BAHCC1: variants seen among roughly 807,000 people sequenced by gnomAD.
BAHCC1 encodes BAH domain and coiled-coil containing 1.
In BAHCC1, 43 loss-of-function variants were observed where a neutral mutation model predicts 88.2. The observed-to-expected ratio is 0.49, with a 90% confidence interval of 0.38 to 0.63. BAHCC1 has a LOEUF of 0.63. Ranked by LOEUF, BAHCC1 falls within the 20% of genes least tolerant of loss-of-function variation. The pLI, the probability that BAHCC1 is intolerant of heterozygous loss-of-function variation, is 0.00. For missense variants in BAHCC1, 3,023 were observed against 1,654.8 expected, an observed-to-expected ratio of 1.83 and a Z score of -14.34; for synonymous variants, 1,510 against 745.5, an observed-to-expected ratio of 2.03 and a Z score of -16.71.
intron 2 of BAHCC1, among the ~76,000 whole-genome samples, chr17:81,424,702 G>C (rs376504572): frequency 2.5e-4 from 38 of 151,818 alleles, no homozygotes; most frequent in African/African-American, 8.5e-4. Flanking sequence ...GATGTGGTTG[G>C]TGATGATAAT....
chr17:81,422,721 C>T (rs2143368169), intron 2 of BAHCC1: 1 of 414,858 alleles, frequency 2.4e-6, no homozygotes, highest in East Asian at 8.6e-5. Flanking sequence ...GCTCAAGGTA[C>T]AGGGTTCTCA....
chr17:81,408,088 C>T (rs1320808211), intron 2 of BAHCC1, among the ~76,000 whole-genome samples: 2 of 152,244 alleles, frequency 1.3e-5, no homozygotes, highest in Non-Finnish European at 2.9e-5. Flanking sequence ...GGCCCCCTTC[C>T]TCCTGCTGCC....
In BAHCC1 at chr17:81,399,672, C is replaced by T. The variant is rs567909819; in HGVS notation, c.-68C>T. ...CGCCGCCTCTGCGCCGCCCGCGCGC[C>T]GAGCCGCCCCCGGGCCCCGGCCGCG... On this transcript the variant is annotated 5_prime_UTR_variant, in exon 2 of 28. Coordinates refer to ENST00000675386, the MANE Select transcript of BAHCC1 (RefSeq NM_001377448.1). The surrounding 1 kb of genome is among the most constrained non-coding windows in gnomAD (Gnocchi z 4.5). The T allele has an allele frequency of 2.0e-3, 1,888 of 960,676 alleles. 1 individual carries two copies. The highest frequency in any genetic ancestry group is 2.2e-3 in the Non-Finnish European group (1,791 of 807,314). The allele number at this position is 960,676 out of a possible 1,614,324, so 59.5% of individuals were successfully genotyped here.
chr17:81,443,777 C>A (rs1483334503), intron 5 of BAHCC1, 32 bp from the exon 6 acceptor site: 3 of 705,414 alleles, frequency 4.3e-6, no homozygotes, highest in Non-Finnish European at 5.2e-6. Flanking sequence ...CCGCCCCAAC[C>A]CTCTCCCGTC....
intron 2 of BAHCC1, among the ~76,000 whole-genome samples, chr17:81,410,536 GTTGGATGTGAC>G (rs1369344472): frequency 6.6e-6 from 1 of 152,230 alleles, no homozygotes; most frequent in Non-Finnish European, 1.5e-5. Context: ...GTCCTGGGGC[GTTGGATGTGAC>G]TGGGATGGGC....
chr17:81,413,148 C>G (rs2063976331), intron 2 of BAHCC1: 1 of 444,136 alleles, frequency 2.3e-6, no homozygotes, highest in Non-Finnish European at 4.5e-6. Flanking sequence ...CCATACGCTC[C>G]CCAACCCCAG....
intron 2 of BAHCC1, chr17:81,407,467 C>T (rs1567995396): frequency 3.9e-6 from 2 of 508,442 alleles, no homozygotes; most frequent in Non-Finnish European, 3.9e-6. Flanking sequence ...CCAGGGGCGC[C>T]TCCTGTTCTT....
At position 81,447,658 on chromosome 17, in the gene BAHCC1, C is replaced by T. The variant is rs1405330021; in HGVS notation, c.3786C>T (p.Ala1262=). 6 of 739,964 alleles carry T rather than the reference C, an allele frequency of 8.1e-6. No homozygotes were observed. The highest frequency in any genetic ancestry group is 5.2e-5 in the African/African-American group (3 of 58,172). 45.8% of individuals were successfully genotyped at this position (739,964 alleles called of 1,614,324 possible). A position where few individuals can be genotyped will look rare whatever the true frequency, so the allele number is the denominator to read the frequency against. Residue 1262 remains alanine, a synonymous_variant, in exon 11 of 28, where the codon GCC becomes GCT. Transcript: ENST00000675386. ...HPPRALPGLD[A]LVAATINLGD... ...CCAGGGCGCTACCAGGCCTGGATGC[C>T]TTGGTGGCCGCCACCATCAACCTGG... is the stretch of plus-strand genomic sequence containing the variant.
chr17:81,445,384 G>T lies in BAHCC1; in HGVS notation c.2866G>T (p.Glu956Ter). ...GCCCGAAGACCAGCACCTGGATCTG[G>T]AGGAGCCCGCCCAGGAGAAGGCCCC... ...RKPEDQHLDL[E>*]EPAQEKAPKS... Residue 956 changes from glutamate to a stop codon, truncating the protein, a stop_gained, in exon 10 of 28, where the codon GAG (glutamate) becomes TAG (stop). Transcript: ENST00000675386. LOFTEE classifies it high-confidence loss of function. 1.3e-6 allele frequency: 1 copy of T among 777,158 alleles called. No homozygotes were observed. 48.1% of individuals were successfully genotyped at this position (777,158 alleles called of 1,614,324 possible).
intron 1 of BAHCC1, among the ~76,000 whole-genome samples, chr17:81,397,908 C>T (rs1359441209): frequency 3.9e-5 from 6 of 152,216 alleles, no homozygotes; most frequent in Non-Finnish European, 7.3e-5. Flanking sequence ...AGCTTATCAG[C>T]TGAGCAAATA....
At chr17:81,454,830 G>A (rs2064717187) in intron 14 of BAHCC1, among the ~76,000 whole-genome samples, 1 of 152,144 alleles carries the variant, frequency 6.6e-6, no homozygotes, top group South Asian at 2.1e-4. Context: ...GCAGAGCCCT[G>A]GCTCCTGAGC....
At chr17:81,421,020 G>T (rs1373894286) in intron 2 of BAHCC1, among the ~76,000 whole-genome samples, 2 of 152,242 alleles carry the variant, frequency 1.3e-5, no homozygotes, top group African/African-American at 4.8e-5. Context: ...CCCCATGGCG[G>T]GCCCACGACC....
chr17:81,457,630 G>T, intron 17 of BAHCC1, 38 bp downstream of exon 17: 1 of 670,960 alleles, frequency 1.5e-6, no homozygotes, highest in East Asian at 2.7e-5. Context: ...TAGGTAACCA[G>T]GAGGGAGGGC....
rs2064311111 is a variant in BAHCC1, at chr17:81,434,609, G to T, written c.359-3761G>T. ...TGGGAAGTCCCCTGACCCCCCAGGT[G>T]ATCTTGGTCCTTCTGCTGGCTGGCG... On this transcript the variant is annotated intron_variant, in intron 3 of 27. Coordinates refer to ENST00000675386, the MANE Select transcript of BAHCC1 (RefSeq NM_001377448.1). This position sits in a 1 kb window ranked among gnomAD's most constrained non-coding sequence, Gnocchi z 4.9. Among the ~76,000 whole-genome samples the T allele has an allele frequency of 6.6e-6, 1 of 152,112 alleles. No homozygotes were observed. Among genetic ancestry groups the T allele is most frequent in the South Asian group, 2.1e-4 (1 of 4,830 alleles).
intron 23 of BAHCC1, 94 bp from the exon 24 acceptor site, chr17:81,460,183 C>A (rs147300751): frequency 1.5e-6 from 1 of 677,822 alleles, no homozygotes; most frequent in Non-Finnish European, 2.7e-6. Context: ...CAGAGCCCTC[C>A]CCTCACCCTC....
chr17:81,453,542 C>CG (rs2064686223), intron 14 of BAHCC1, among the ~76,000 whole-genome samples: 1 of 152,056 alleles, frequency 6.6e-6, no homozygotes. Context: ...GAGAAGGTTA[C>CG]GGGGAGGGGC....
chr17:81,414,750 A>G (rs2063997930), intron 2 of BAHCC1, among the ~76,000 whole-genome samples: 1 of 152,114 alleles, frequency 6.6e-6, no homozygotes, highest in Non-Finnish European at 1.5e-5. Context: ...TCACAGCCTC[A>G]CCACGTGTCC....
In BAHCC1 at chr17:81,416,499, G is replaced by GCGTGTGCGCGTGTGTGTC. The variant is rs1327673222; in HGVS notation, c.179-10300_179-10299insGTGTGCGCGTGTGTGTCC. Among the ~76,000 whole-genome samples the GCGTGTGCGCGTGTGTGTC allele has an allele frequency of 9.2e-4, 7 of 7,570 alleles. No individual in the cohort carries two copies. The South Asian group carries it at 0.01, about 11-fold the overall frequency. The allele number at this position is 7,570 out of a possible 152,430, so 5.0% of individuals were successfully genotyped here. On this transcript the variant is annotated intron_variant, in intron 2 of 27. Transcript: ENST00000675386. ...TGTGTGTCCATGAGGATGGGTGTGT[G>GCGTGTGCGCGTGTGTGTC]CATGTGTGCGTGTGTGTCCATGAGG...
In BAHCC1 at chr17:81,399,909, C is replaced by G; in HGVS notation, c.170C>G (p.Ser57Trp). The change falls in exon 2 of 28, where the codon TCG becomes TGG. Residue 57 changes from serine (S) to tryptophan (W), a missense_variant. Physicochemically the swap from Ser to Trp is radical, Grantham distance 177 (BLOSUM62 -3). Coordinates refer to ENST00000675386, the MANE Select transcript of BAHCC1 (RefSeq NM_001377448.1). This position sits in a 1 kb window ranked among gnomAD's most constrained non-coding sequence, Gnocchi z 4.5. ...TTCCCGTCGCCGTTGCCCATGGCTT[C>G]GCACACAGGTCAGTGCTCGGCCGGG... ...KYFPSPLPMA[S>W]HTASSRLMGS... 2.8e-6 allele frequency: 4 copies of G among 1,443,800 alleles called. No homozygotes were observed. Among genetic ancestry groups the G allele is most frequent in the Non-Finnish European group, 3.7e-6 (4 of 1,095,296 alleles). The allele number at this position is 1,443,800 out of a possible 1,614,324, so 89.4% of individuals were successfully genotyped here.
Sources: allele counts gnomAD v4.1 joint callset (sites outside exome capture counted in the v4.1 genomes callset), GRCh38; gene constraint gnomAD v4.1.1; non-coding constraint Gnocchi (gnomAD v3.1); transcripts MANE v1.5; gene names NCBI Gene and HGNC (gene_info 2026-07-23, HGNC 2026-07-21).